The following BAZ2B variants were observed in gnomAD, a reference collection of about 807,000 sequenced individuals.
BAZ2B encodes the protein bromodomain adjacent to zinc finger domain protein 2B.
Under a neutral mutation model 246.0 loss-of-function variants are expected in BAZ2B, and 91 were observed. The ratio of observed to expected loss-of-function variants is 0.37; its 90% CI spans 0.31 to 0.44. BAZ2B has a LOEUF of 0.44. Ranked by LOEUF, BAZ2B falls within the 20% of genes least tolerant of loss-of-function variation. BAZ2B has a pLI of 1.00. For missense variants in BAZ2B, 2,332 were observed against 2,533.7 expected (o/e 0.92, Z 1.71); for synonymous variants, 855 against 860.0 (o/e 0.99, Z 0.10).
chr2:159,369,481 G>A (rs996415433), intron 27 of BAZ2B, among the ~76,000 whole-genome samples: 2 of 152,118 alleles, frequency 1.3e-5, no homozygotes, highest in South Asian at 2.1e-4. Flanking sequence ...TGGAAGGAGG[G>A]AATTGTATAT....
rs572862655 is a variant in BAZ2B, at chr2:159,344,102, A to C, written c.5454+3384T>G. ...TGCATAGAAAAGGGAACTCTTACAT[A>C]CTGTTGGTGGGAATGTAAACTAGTA... On this transcript the variant is annotated intron_variant, in intron 31 of 36. Transcript: ENST00000392783. 2.0e-3 allele frequency among the ~76,000 whole-genome samples: 297 copies of C among 152,134 alleles called. 1 individual carries two copies. Among genetic ancestry groups the C allele is most frequent in the African/African-American group, 6.8e-3 (281 of 41,536 alleles).
chr2:159,355,009 T>C (rs2058948419), intron 27 of BAZ2B, among the ~76,000 whole-genome samples: 1 of 152,220 alleles, frequency 6.6e-6, no homozygotes, highest in African/African-American at 2.4e-5. Context: ...CTCTGACCCC[T>C]GTTAGTTCAC....
the BAZ2B span, among the ~76,000 whole-genome samples, chr2:159,657,937 T>C: frequency 2.6e-5 from 4 of 152,220 alleles, no homozygotes; most frequent in African/African-American, 9.6e-5. Flanking sequence ...TTTCTTGTCT[T>C]ATTGAATTAA....
chr2:159,408,306 A>G (rs1226342779), intron 14 of BAZ2B, among the ~76,000 whole-genome samples: 1 of 152,146 alleles, frequency 6.6e-6, no homozygotes, highest in Non-Finnish European at 1.5e-5. Context: ...CTGAATAACC[A>G]GGACTATAGG....
intron 3 of BAZ2B, among the ~76,000 whole-genome samples, chr2:159,472,099 G>A (rs2077875505): frequency 6.6e-6 from 1 of 152,162 alleles, no homozygotes; most frequent in South Asian, 2.1e-4. Flanking sequence ...AGCATGGAAT[G>A]TTTTTCCATT....
chr2:159,695,811 G>A, the BAZ2B span, among the ~76,000 whole-genome samples: 4 of 151,970 alleles, frequency 2.6e-5, no homozygotes, highest in African/African-American at 9.7e-5. Flanking sequence ...CTGGAGTGCA[G>A]TGGCGTGATC....
chr2:159,541,145 T>C (rs1381096201), intron 2 of BAZ2B, among the ~76,000 whole-genome samples: 12 of 152,168 alleles, frequency 7.9e-5, no homozygotes. Context: ...TTAATCACTG[T>C]ATGACCTTGA....
At chr2:159,433,455 C>T (rs894004173) in intron 8 of BAZ2B, 92 bp from the exon 9 acceptor site, 1 of 1,131,354 alleles carries the variant, frequency 8.8e-7, no homozygotes, top group South Asian at 1.6e-5. Flanking sequence ...CAAATTATAG[C>T]TATTATATCA....
chr2:159,566,348 C>G (rs554815251), intron 1 of BAZ2B, among the ~76,000 whole-genome samples: 1 of 152,150 alleles, frequency 6.6e-6, no homozygotes, highest in Non-Finnish European at 1.5e-5. Context: ...CAATGTCCTT[C>G]TAAGCTATAT....
chr2:159,327,055 C>CT (rs67194703), intron 34 of BAZ2B, among the ~76,000 whole-genome samples: 35,357 of 142,596 alleles, frequency 0.25, 4,755 homozygotes, highest in Middle Eastern at 0.32. Context: ...TGGCTGCAAT[C>CT]TTTTTTTTTT....
the BAZ2B span, among the ~76,000 whole-genome samples, chr2:159,637,240 A>G: frequency 6.6e-6 from 1 of 152,206 alleles, no homozygotes; most frequent in Admixed American, 6.5e-5. Context: ...AGCAGGCTCT[A>G]AGGGTCCCTA....
chr2:159,320,292 C>CA lies in BAZ2B; in HGVS notation c.6479_6480insT (p.Lys2160AsnfsTer13), dbSNP rs779352538. The CA allele has an allele frequency of 1.3e-6, 2 of 1,561,808 alleles. No individual in the cohort carries two copies. Among genetic ancestry groups the CA allele is most frequent in the Admixed American group, 4.7e-5 (2 of 42,658 alleles). On this transcript the variant is annotated frameshift_variant, in exon 37 of 37. Transcript: ENST00000392783. LOFTEE classifies it high-confidence loss of function. ...AGCTCACTTTGAAAGTATCTGTCCA[C>CA]TTTTTTTCAAAATACTTCCTCATAT...
chr2:159,648,983 G>A, the BAZ2B span, among the ~76,000 whole-genome samples: 1 of 152,088 alleles, frequency 6.6e-6, no homozygotes, highest in Admixed American at 6.5e-5. Context: ...CCAAAATGAG[G>A]GGGTAGTTTG....
At chr2:159,553,392 C>CAAAAAAAAAAA (rs35253250) in intron 2 of BAZ2B, among the ~76,000 whole-genome samples, 76 of 73,826 alleles carry the variant, frequency 1.0e-3, no homozygotes, top group African/African-American at 2.8e-3. Flanking sequence ...GACTCTGTCT[C>CAAAAAAAAAAA]AAAAAAAAAA....
intron 2 of BAZ2B, among the ~76,000 whole-genome samples, chr2:159,527,342 T>A (rs762466863): frequency 6.6e-6 from 1 of 152,208 alleles, no homozygotes; most frequent in Non-Finnish European, 1.5e-5. Context: ...TTATATATCC[T>A]AGATAAGAGT....
At chr2:159,374,073 T>C (rs2061146048) in intron 26 of BAZ2B, among the ~76,000 whole-genome samples, 1 of 110,280 alleles carries the variant, frequency 9.1e-6, no homozygotes, top group African/African-American at 3.4e-5. Context: ...TTAGTTTTTT[T>C]TTCTTTTTTT....
chr2:159,479,073 C>G (rs1275986419), intron 2 of BAZ2B, among the ~76,000 whole-genome samples: 1 of 152,030 alleles, frequency 6.6e-6, no homozygotes, highest in Non-Finnish European at 1.5e-5. Context: ...AACAGAATTC[C>G]TATGTTACCT....
rs74821516 is a variant in BAZ2B at position 159,562,685 on chromosome 2, A to G, written c.-45-6820T>C. On this transcript the variant is annotated intron_variant, in intron 1 of 36. Transcript: ENST00000392783. Reference sequence around the variant, plus strand: ...TATATATACTTTTATTTATCTAACTACAAGTTTTTAGGGAATTCAATTCAA... The same window carrying G: ...TATATATACTTTTATTTATCTAACTGCAAGTTTTTAGGGAATTCAATTCAA... Among the ~76,000 whole-genome samples, 89 of 152,354 alleles carry G rather than the reference A, an allele frequency of 5.8e-4. 1 individual carries two copies. In the East Asian group the frequency reaches 0.016, roughly 28 times the overall value.
intron 2 of BAZ2B, among the ~76,000 whole-genome samples, chr2:159,520,362 G>A (rs1019061642): frequency 2.0e-5 from 3 of 151,888 alleles, no homozygotes; most frequent in African/African-American, 7.3e-5. Context: ...TATCAGTTTA[G>A]GTCTCATCAC....
Sources: gnomAD v4.1 joint callset for allele counts (sites outside exome capture counted in the v4.1 genomes callset) on GRCh38, gnomAD v4.1.1 for gene constraint, MANE v1.5 for transcripts, NCBI Gene and HGNC (gene_info 2026-07-23, HGNC 2026-07-21) for gene names.